Variants in RBFOX1 observed in about 807,000 individuals in gnomAD.
RBFOX1 encodes the protein RNA binding protein fox-1 homolog 1.
A neutral mutation model predicts 57.7 loss-of-function variants in RBFOX1; 8 were observed. The observed-to-expected ratio is 0.14, with a 90% CI of 0.08 to 0.25. The LOEUF is 0.25. RBFOX1 is among the 10% of genes least tolerant of loss of function. The pLI is 1.00. For missense variants in RBFOX1, 611 were observed against 548.5 expected, an observed-to-expected ratio of 1.11 and a Z score of -1.14; for synonymous variants, 326 against 222.4, an observed-to-expected ratio of 1.47 and a Z score of -4.15.
At chr16:6,740,285 A>G (rs140943137) in intron 3 of RBFOX1, among the ~76,000 whole-genome samples, 446 of 152,322 alleles carry the variant, frequency 2.9e-3, no homozygotes, top group Middle Eastern at 6.8e-3. Context: ...GATATGTGCA[A>G]AAAACCTACA....
chr16:6,861,834 T>G (rs1362144645), intron 3 of RBFOX1, among the ~76,000 whole-genome samples: 3 of 149,834 alleles, frequency 2.0e-5, no homozygotes, highest in Admixed American at 1.3e-4. Flanking sequence ...TTTTTTTTTT[T>G]TTTTTTTTTT....
intron 1 of RBFOX1, among the ~76,000 whole-genome samples, chr16:6,082,379 T>C (rs1261962065): frequency 3.3e-5 from 4 of 121,862 alleles, no homozygotes; most frequent in African/African-American, 1.2e-4. Context: ...TTTTTTTGGA[T>C]TTTTAGTAGT....
At chr16:7,686,314 G>A (rs1302404957) in intron 14 of RBFOX1, among the ~76,000 whole-genome samples, 2 of 151,974 alleles carry the variant, frequency 1.3e-5, no homozygotes, top group African/African-American at 4.8e-5. Context: ...ACATAGGTTG[G>A]GGAATAGAAA....
At chr16:6,305,363 T>A (rs538220451) in intron 1 of RBFOX1, among the ~76,000 whole-genome samples, 1 of 152,256 alleles carries the variant, frequency 6.6e-6, no homozygotes, top group South Asian at 2.1e-4. Context: ...TGCATGCAAA[T>A]TGTTTATCAG....
At chr16:6,148,203 T>C (rs1316896430) in intron 1 of RBFOX1, among the ~76,000 whole-genome samples, 1 of 152,220 alleles carries the variant, frequency 6.6e-6, no homozygotes, top group Non-Finnish European at 1.5e-5. Flanking sequence ...GGCATGTACC[T>C]GTAATCCCAG....
At chr16:7,495,657 T>C (rs538548113) in intron 4 of RBFOX1, among the ~76,000 whole-genome samples, 15 of 152,356 alleles carry the variant, frequency 9.8e-5, no homozygotes, top group African/African-American at 3.4e-4. Flanking sequence ...GTCCATTTTT[T>C]TGCATGTGCA....
intron 4 of RBFOX1, among the ~76,000 whole-genome samples, chr16:7,393,329 A>T (rs572167080): frequency 4.6e-5 from 7 of 152,316 alleles, no homozygotes; most frequent in African/African-American, 1.7e-4. Context: ...GATTGGCAAG[A>T]TGCTCGTCAC....
chr16:6,092,823 C>G (rs1358855076), intron 1 of RBFOX1: 2 of 152,118 alleles, frequency 1.3e-5, no homozygotes, highest in Admixed American at 1.3e-4. Context: ...AGTTGGGTAA[C>G]TTGATGGTTA....
chr16:6,062,554 A>G (rs1475263336), intron 1 of RBFOX1, among the ~76,000 whole-genome samples: 3 of 148,846 alleles, frequency 2.0e-5, no homozygotes, highest in Non-Finnish European at 4.4e-5. Flanking sequence ...TTGTATCTAT[A>G]TATGTATATA....
intron 4 of RBFOX1, among the ~76,000 whole-genome samples, chr16:5,973,213 T>C (rs997349916): frequency 7.9e-5 from 12 of 152,218 alleles, no homozygotes; most frequent in Non-Finnish European, 1.5e-5. Flanking sequence ...ATTAGGGATG[T>C]TCGTGAAAGA....
intron 4 of RBFOX1, among the ~76,000 whole-genome samples, chr16:7,098,050 G>T (rs1044582313): frequency 6.6e-6 from 1 of 152,212 alleles, no homozygotes; most frequent in South Asian, 2.1e-4. Flanking sequence ...AGTAAAGCCA[G>T]TGTTGTCAAT....
chr16:7,500,881 G>A (rs2070562270), intron 4 of RBFOX1, among the ~76,000 whole-genome samples: 1 of 152,094 alleles, frequency 6.6e-6, no homozygotes, highest in Admixed American at 6.6e-5. Flanking sequence ...TGAATGATGG[G>A]GACAGTTACC....
At chr16:6,783,582 C>A (rs1434949128) in intron 3 of RBFOX1, among the ~76,000 whole-genome samples, 14 of 151,984 alleles carry the variant, frequency 9.2e-5, no homozygotes, top group Non-Finnish European at 1.5e-5. Context: ...TTTGCTATCT[C>A]TGTCTTTTTT....
chr16:5,396,008 G>A (rs1304413457), intron 1 of RBFOX1, among the ~76,000 whole-genome samples: 1 of 152,180 alleles, frequency 6.6e-6, no homozygotes, highest in South Asian at 2.1e-4. Flanking sequence ...CCTGAATTGT[G>A]TAGCCTGGTT....
intron 4 of RBFOX1, among the ~76,000 whole-genome samples, chr16:7,286,709 C>T (rs999447339): frequency 5.3e-5 from 8 of 150,342 alleles, no homozygotes; most frequent in Non-Finnish European, 1.2e-4. Flanking sequence ...CTGCAAGCTC[C>T]GCCTCCTGGG....
At chr16:5,870,828 G>A (rs2057451752) in intron 4 of RBFOX1, among the ~76,000 whole-genome samples, 1 of 152,046 alleles carries the variant, frequency 6.6e-6, no homozygotes, top group Non-Finnish European at 1.5e-5. Flanking sequence ...CTGGGAAAAT[G>A]CTTCTCTAAG....
intron 3 of RBFOX1, among the ~76,000 whole-genome samples, chr16:5,696,119 C>T (rs1458306875): frequency 6.6e-6 from 1 of 152,076 alleles, no homozygotes; most frequent in Non-Finnish European, 1.5e-5. Context: ...CCTGTAGTCA[C>T]CTTTTAGCAT....
intron 4 of RBFOX1, among the ~76,000 whole-genome samples, chr16:7,217,691 G>A (rs2092323153): frequency 4.0e-5 from 6 of 151,858 alleles, no homozygotes; most frequent in Admixed American, 3.9e-4. Flanking sequence ...GGATTTTTTT[G>A]GTGAAGAGTC....
intron 1 of RBFOX1, among the ~76,000 whole-genome samples, chr16:5,464,119 G>A (rs572590806): frequency 6.6e-6 from 1 of 152,340 alleles, no homozygotes; most frequent in Admixed American, 6.5e-5. Context: ...CTGGGTGCCA[G>A]GAGGGGAAGG....
Sources: gnomAD v4.1 joint callset for allele counts (sites outside exome capture counted in the v4.1 genomes callset) on GRCh38, gnomAD v4.1.1 for gene constraint, MANE v1.5 for transcripts, NCBI Gene and HGNC (gene_info 2026-07-23, HGNC 2026-07-21) for gene names.